DCLK3: variants seen among roughly 807,000 people sequenced by gnomAD.
The protein encoded by DCLK3 is serine/threonine-protein kinase DCLK3.
Under a neutral mutation model 46.4 loss-of-function variants are expected in DCLK3, and 30 were observed. The observed-to-expected ratio is 0.65, with a 90% CI of 0.48 to 0.88. The LOEUF (loss-of-function observed/expected upper bound fraction) is 0.88. Ranked by LOEUF, DCLK3 falls within the 40% of genes least tolerant of loss-of-function variation. The pLI is 0.00. For synonymous variants in DCLK3, 401 were observed against 339.2 expected (o/e 1.18, Z -2.00); for missense variants, 846 against 907.1 (o/e 0.93, Z 0.87).
intron 1 of DCLK3, among the ~76,000 whole-genome samples, chr3:36,740,531 A>C (rs1701333613): frequency 6.6e-6 from 1 of 152,246 alleles, no homozygotes; most frequent in African/African-American, 2.4e-5. Context: ...TCTTATTTAA[A>C]AAATGTAAAG....
At chr3:36,757,935 T>C (rs1313940158) in intron 1 of DCLK3, among the ~76,000 whole-genome samples, 2 of 152,062 alleles carry the variant, frequency 1.3e-5, no homozygotes, top group Admixed American at 1.3e-4. Flanking sequence ...CTCTCTCCCA[T>C]TACCTTAACT....
chr3:36,738,007 C>T lies in DCLK3; in HGVS notation c.1160G>A (p.Ser387Asn), dbSNP rs756846221. Residue 387 changes from serine to asparagine, a missense_variant, in exon 2 of 5, where the codon AGC (serine) becomes AAC (asparagine). By Grantham distance (46) the Ser-to-Asn change is conservative (BLOSUM62 1). This residue lies in a region of DCLK3 where 553 missense variants were observed against 543.0 expected (regional missense o/e 1.02). Coordinates refer to ENST00000636136, the MANE Select transcript of DCLK3 (RefSeq NM_001394672.2). ...GTCCTCTTTCTTGTCCATGCTCTTGCTGGGTCTCCTCAGCTCTTGAGTGGG... is the reference window on the plus strand; with the variant it reads ...GTCCTCTTTCTTGTCCATGCTCTTGTTGGGTCTCCTCAGCTCTTGAGTGGG... ...RNPTQELRRP[S>N]KSMDKKEDRG... 1.9e-6 allele frequency: 3 copies of T among 1,614,036 alleles called. No individual in the cohort carries two copies. In the African/African-American group the frequency reaches 4.0e-5, roughly 22 times the overall value.
chr3:36,755,202 A>G (rs1455837818), intron 1 of DCLK3, among the ~76,000 whole-genome samples: 1 of 152,230 alleles, frequency 6.6e-6, no homozygotes. Context: ...CCTAATAGAC[A>G]TATCAGTTCT....
At position 36,715,501 on chromosome 3, in the gene DCLK3, G is replaced by A. The variant is rs776262039; in HGVS notation, c.2281C>T (p.Arg761Trp). The change falls in exon 5 of 5, where the codon CGG (arginine) becomes TGG (tryptophan). Residue 761 changes from arginine (R) to tryptophan (W), a missense_variant. By Grantham distance (101) the Arg-to-Trp change is moderately radical. Coordinates refer to ENST00000636136, the MANE Select transcript of DCLK3 (RefSeq NM_001394672.2). ...TTTTTGGGGTCTACCACCAGCAACC[G>A]GCTCACCAGATCTTTAGCAGCTGTT... ...ISDAAKDLVS[R>W]LLVVDPKKRY... 3.9e-6 allele frequency: 6 copies of A among 1,531,636 alleles called. No individual in the cohort carries two copies. Among genetic ancestry groups the A allele is most frequent in the Non-Finnish European group, 5.3e-6 (6 of 1,140,826 alleles). The allele number at this position is 1,531,636 out of a possible 1,614,324, so 94.9% of individuals were successfully genotyped here. A position where few individuals can be genotyped will look rare whatever the true frequency, so the allele number is the denominator to read the frequency against.
Position 36,714,136 on chromosome 3 carries a change from ACCAGAGCCT to A in DCLK3, c.*1183_*1191del, listed in dbSNP as rs1700945210. On this transcript the variant is annotated 3_prime_UTR_variant, in exon 5 of 5. Coordinates refer to ENST00000636136, the MANE Select transcript of DCLK3 (RefSeq NM_001394672.2). ...CCTGCAGTTACTATCTCTAAATTAT[ACCAGAGCCT>A]CCTTTGTGCTTCTTCCATTTTCCAA... is the stretch of plus-strand genomic sequence containing the variant. The A allele has an allele frequency of 6.6e-6, 1 of 152,246 alleles. No individual in the cohort carries two copies. 9.4% of individuals were successfully genotyped at this position (152,246 alleles called of 1,614,324 possible). A position where few individuals can be genotyped will look rare whatever the true frequency, so the allele number is the denominator to read the frequency against.
rs1701562104 is a variant in DCLK3, at chr3:36,764,017, C to T, written c.82+165G>A. Among the ~76,000 whole-genome samples, 1 of 152,158 alleles carries T rather than the reference C, an allele frequency of 6.6e-6. No individual in the cohort carries two copies. ...ACACACACGTACACACACATACACA[C>T]GTACACACACATACACACACACAGT... is the stretch of plus-strand genomic sequence containing the variant. On this transcript the variant is annotated intron_variant, in intron 1 of 4. Coordinates refer to ENST00000636136, the MANE Select transcript of DCLK3 (RefSeq NM_001394672.2). This position sits in a 1 kb window ranked among gnomAD's most constrained non-coding sequence, Gnocchi z 4.9.
intron 1 of DCLK3, among the ~76,000 whole-genome samples, chr3:36,759,263 C>T (rs4991465): frequency 0.24 from 36,764 of 152,050 alleles, 4,683 homozygotes; most frequent in Middle Eastern, 0.34. Flanking sequence ...TCCATCCCAG[C>T]CGCCATCCCC....
chr3:36,756,207 T>G (rs1285254830), intron 1 of DCLK3, among the ~76,000 whole-genome samples: 1 of 152,208 alleles, frequency 6.6e-6, no homozygotes, highest in Non-Finnish European at 1.5e-5. Flanking sequence ...GCTGGGAACC[T>G]CTGGAGAGAT....
intron 2 of DCLK3, among the ~76,000 whole-genome samples, chr3:36,730,406 A>T (rs2125526643): frequency 6.6e-6 from 1 of 152,364 alleles, no homozygotes; most frequent in African/African-American, 2.4e-5. Flanking sequence ...ACAAATATTT[A>T]CACACTTACC....
chr3:36,733,635 T>C (rs1701225330), intron 2 of DCLK3, among the ~76,000 whole-genome samples: 2 of 152,204 alleles, frequency 1.3e-5, no homozygotes, highest in South Asian at 4.1e-4. Context: ...GAGCACACAC[T>C]GGCAGAAGCA....
intron 1 of DCLK3, among the ~76,000 whole-genome samples, chr3:36,757,709 G>T (rs939506122): frequency 6.6e-6 from 1 of 152,066 alleles, no homozygotes; most frequent in Non-Finnish European, 1.5e-5. Flanking sequence ...TGGTGAATAC[G>T]GCAGAACACA....
At chr3:36,721,774 A>T (rs1701064696) in intron 2 of DCLK3, 115 bp from the exon 3 acceptor site, 1 of 1,263,658 alleles carries the variant, frequency 7.9e-7, no homozygotes, top group African/African-American at 1.5e-5. Flanking sequence ...CCTATATGAG[A>T]TTACAGCTTA....
intron 1 of DCLK3, among the ~76,000 whole-genome samples, chr3:36,758,303 A>T (rs1460765857): frequency 6.6e-6 from 1 of 152,236 alleles, no homozygotes; most frequent in African/African-American, 2.4e-5. Context: ...GTGCTACCAC[A>T]TAATTTCACC....
At chr3:36,736,510 T>C (rs934891771) in intron 2 of DCLK3, among the ~76,000 whole-genome samples, 1 of 152,212 alleles carries the variant, frequency 6.6e-6, no homozygotes, top group African/African-American at 2.4e-5. Flanking sequence ...AACAGAAGAA[T>C]GGCATAGCTG....
intron 1 of DCLK3, among the ~76,000 whole-genome samples, chr3:36,746,061 CT>C (rs1701390961): frequency 2.0e-5 from 3 of 152,218 alleles, no homozygotes; most frequent in Admixed American, 2.0e-4. Context: ...AACATCCTCA[CT>C]ACCTATCCTC....
Position 36,715,206 on chromosome 3 carries a change from G to T in DCLK3, c.*122C>A. The T allele has an allele frequency of 9.3e-7, 1 of 1,075,984 alleles. No homozygotes were observed. The highest frequency in any genetic ancestry group is 1.3e-6 in the Non-Finnish European group (1 of 771,356). 66.7% of individuals were successfully genotyped at this position (1,075,984 alleles called of 1,614,324 possible). On this transcript the variant is annotated 3_prime_UTR_variant, in exon 5 of 5. Coordinates refer to ENST00000636136, the MANE Select transcript of DCLK3 (RefSeq NM_001394672.2). ...TAATATGCTTTAAAATATACTCAGT[G>T]TCTCTCCCTCTGATTCACCAATTAT...
intron 2 of DCLK3, among the ~76,000 whole-genome samples, chr3:36,723,816 C>A (rs959752538): frequency 6.6e-6 from 1 of 152,198 alleles, no homozygotes; most frequent in African/African-American, 2.4e-5. Flanking sequence ...CATGGAGACT[C>A]TCTGCTAGGG....
chr3:36,763,303 C>T (rs1002179677), intron 1 of DCLK3, among the ~76,000 whole-genome samples: 6 of 152,210 alleles, frequency 3.9e-5, no homozygotes, highest in African/African-American at 1.2e-4. Flanking sequence ...ACGGAGTTCC[C>T]TCCACAACTT....
intron 4 of DCLK3, 129 bp from the exon 5 acceptor site, chr3:36,715,650 C>T (rs1700969334): frequency 3.1e-6 from 3 of 957,456 alleles, no homozygotes; most frequent in Non-Finnish European, 4.5e-6. Flanking sequence ...CCTTCATATT[C>T]TAGAGCAGCA....
Sources: gnomAD v4.1 joint callset for allele counts (sites outside exome capture counted in the v4.1 genomes callset) on GRCh38, gnomAD v4.1.1 for gene constraint, gnomAD v4.1.1 regional missense constraint, Gnocchi (gnomAD v3.1) non-coding constraint, MANE v1.5 for transcripts, NCBI Gene and HGNC (gene_info 2026-07-23, HGNC 2026-07-21) for gene names.